ANGEL2: variants seen among roughly 807,000 people sequenced by gnomAD.
ANGEL2 encodes the protein RNA 2',3'-cyclic phosphatase ANGEL2.
Under a neutral mutation model 66.0 loss-of-function variants are expected in ANGEL2, and 41 were observed. The observed-to-expected ratio is 0.62, with a 90% CI of 0.48 to 0.81. The LOEUF is 0.81. Ranked by LOEUF, ANGEL2 falls within the 30% of genes least tolerant of loss-of-function variation. The pLI is 0.00. For synonymous variants in ANGEL2, 208 were observed against 226.5 expected (o/e 0.92, Z 0.73); for missense variants, 561 against 641.6 (o/e 0.87, Z 1.36).
intron 7 of ANGEL2, 30 bp from the exon 8 acceptor site, chr1:212,997,348 C>A: frequency 6.4e-7 from 1 of 1,571,248 alleles, no homozygotes; most frequent in Non-Finnish European, 8.7e-7. Flanking sequence ...TGTTTAGAAT[C>A]CGAGTTTTTG....
At chr1:213,011,167 A>T in intron 2 of ANGEL2, 1 of 1,286,270 alleles carries the variant, frequency 7.8e-7, no homozygotes, top group South Asian at 1.2e-5. Context: ...TGGCCTTCAT[A>T]TGCTTCACAA....
chr1:212,999,868 T>A (rs1007171280), intron 7 of ANGEL2, among the ~76,000 whole-genome samples: 8 of 152,230 alleles, frequency 5.3e-5, no homozygotes, highest in Non-Finnish European at 1.2e-4. Flanking sequence ...ATAGATGGTT[T>A]TGAGATTTAG....
rs1252278698 is a variant in ANGEL2 at position 213,015,722 on chromosome 1, C to T, written c.-51G>A. 33 of 1,612,966 alleles carry T rather than the reference C, an allele frequency of 2.0e-5. No homozygotes were observed. Among genetic ancestry groups the T allele is most frequent in the Admixed American group, 6.7e-5 (4 of 59,990 alleles). On this transcript the variant is annotated 5_prime_UTR_variant, in exon 1 of 9. Coordinates refer to ENST00000366962, the MANE Select transcript of ANGEL2 (RefSeq NM_144567.5). ...CCCAGGCCCCGGGTTCCACCTCAATCTCTATAATCGATGCGACGGCCTAAA... is the reference window on the plus strand; with the variant it reads ...CCCAGGCCCCGGGTTCCACCTCAATTTCTATAATCGATGCGACGGCCTAAA...
In ANGEL2 at chr1:213,004,200, C is replaced by CA. The variant is rs934613897; in HGVS notation, c.1134+832dup. On this transcript the variant is annotated intron_variant, in intron 5 of 8. Coordinates refer to ENST00000366962, the MANE Select transcript of ANGEL2 (RefSeq NM_144567.5). ...CTGGCGAAAGAGCAAGACTCCATCT[C>CA]AAAAAAAAAAATAAATAATTTTAAA... is the stretch of plus-strand genomic sequence containing the variant. Among the ~76,000 whole-genome samples the CA allele has an allele frequency of 5.9e-3, 837 of 142,880 alleles. 4 individuals are homozygous for CA. Among genetic ancestry groups the CA allele is most frequent in the African/African-American group, 0.017 (669 of 39,180 alleles). The allele number at this position is 142,880 out of a possible 152,430, so 93.7% of individuals were successfully genotyped here. A position where few individuals can be genotyped will look rare whatever the true frequency, so the allele number is the denominator to read the frequency against.
At chr1:212,998,941 G>C (rs1419677459) in intron 7 of ANGEL2, among the ~76,000 whole-genome samples, 1 of 151,736 alleles carries the variant, frequency 6.6e-6, no homozygotes, top group Non-Finnish European at 1.5e-5. Context: ...ATGCGGTGGT[G>C]CGATCTCGGC....
intron 8 of ANGEL2, among the ~76,000 whole-genome samples, chr1:212,996,212 C>T (rs1247271137): frequency 2.0e-5 from 3 of 151,948 alleles, no homozygotes; most frequent in Non-Finnish European, 4.4e-5. Flanking sequence ...GAGGCTGAGG[C>T]AGGAGAATGG....
rs899071801 is a variant in ANGEL2, at chr1:212,993,698, G to C, written c.*1343C>G. 3 of 152,116 alleles carry C rather than the reference G, an allele frequency of 2.0e-5. No homozygotes were observed. The highest frequency in any genetic ancestry group is 7.2e-5 in the African/African-American group (3 of 41,412). The allele number at this position is 152,116 out of a possible 1,614,324, so 9.4% of individuals were successfully genotyped here. A position where few individuals can be genotyped will look rare whatever the true frequency, so the allele number is the denominator to read the frequency against. On this transcript the variant is annotated 3_prime_UTR_variant, in exon 9 of 9. Coordinates refer to ENST00000366962, the MANE Select transcript of ANGEL2 (RefSeq NM_144567.5). ...TAAACCTGCTCATAACCACTTCATA[G>C]AAAGTGTCAGCACCATCTCATACTG...
intron 2 of ANGEL2, among the ~76,000 whole-genome samples, chr1:213,010,981 C>T (rs2076491694): frequency 6.6e-6 from 1 of 152,156 alleles, no homozygotes; most frequent in Admixed American, 6.5e-5. Flanking sequence ...TTCTGTGTTA[C>T]TTTTCATGCC....
chr1:213,005,336 A>T lies in ANGEL2; in HGVS notation c.831T>A (p.Asp277Glu). 6.2e-7 allele frequency: 1 copy of T among 1,614,278 alleles called. No individual in the cohort carries two copies. Among genetic ancestry groups the T allele is most frequent in the Non-Finnish European group, 8.5e-7 (1 of 1,180,046 alleles). ...SVNPVEFFRP[D>E]ISLLDRDNVG... The stretch of plus-strand genomic sequence containing the variant: ...CATTGTCTCTGTCCAACAGAGAAAT[A>T]TCAGGGCGGAAGAATTCCACTGGGT... Residue 277 changes from aspartate (D) to glutamate (E), a missense_variant, in exon 5 of 9, where the codon GAT (aspartate) becomes GAA (glutamate). By Grantham distance (45) the Asp-to-Glu change is conservative (BLOSUM62 2). Coordinates refer to ENST00000366962, the MANE Select transcript of ANGEL2 (RefSeq NM_144567.5).
chr1:213,000,919 A>G lies in ANGEL2; in HGVS notation c.1135-7T>C. 6.2e-7 allele frequency: 1 copy of G among 1,603,434 alleles called. No individual in the cohort carries two copies. The highest frequency in any genetic ancestry group is 1.3e-5 in the African/African-American group (1 of 74,414). ...ACTGTTCCTGGCCAGATACCTAAAC[A>G]AAATTTCAACAGGTATCTTAAGTGA... On this transcript the variant is annotated splice_region_variant and splice_polypyrimidine_tract_variant and intron_variant, in intron 5 of 8. Transcript: ENST00000366962.
At chr1:213,005,851 G>A (rs141112788) in intron 4 of ANGEL2, among the ~76,000 whole-genome samples, 1 of 152,034 alleles carries the variant, frequency 6.6e-6, no homozygotes, top group African/African-American at 2.4e-5. Flanking sequence ...TCCAACCTCA[G>A]GGCCTTTCCC....
At chr1:213,007,865 CTT>C (rs34608529) in intron 3 of ANGEL2, among the ~76,000 whole-genome samples, 78 of 138,034 alleles carry the variant, frequency 5.7e-4, no homozygotes, top group East Asian at 8.2e-4. Context: ...TTCTTTCTTT[CTT>C]TTTTTTTTTT....
chr1:212,992,880 A>G lies in ANGEL2; in HGVS notation c.*2161T>C, dbSNP rs944093277. 2.0e-5 allele frequency: 3 copies of G among 152,358 alleles called. No individual in the cohort carries two copies. The highest frequency in any genetic ancestry group is 2.1e-4 in the South Asian group (1 of 4,826). The allele number at this position is 152,358 out of a possible 1,614,324, so 9.4% of individuals were successfully genotyped here. ...GAATTTTCATTTTTCTTTCCCCAAT[A>G]TTAAAAAGGGATAATTATACTATCA... is the stretch of plus-strand genomic sequence containing the variant. On this transcript the variant is annotated 3_prime_UTR_variant, in exon 9 of 9. Coordinates refer to ENST00000366962, the MANE Select transcript of ANGEL2 (RefSeq NM_144567.5).
Position 212,995,538 on chromosome 1 carries a change from C to T in ANGEL2, c.1484-346G>A, listed in dbSNP as rs191553165. Among the ~76,000 whole-genome samples, 236 of 152,264 alleles carry T rather than the reference C, an allele frequency of 1.5e-3. 11 individuals carry two copies. Among genetic ancestry groups the T allele is most frequent in the Non-Finnish European group, 1.3e-3 (89 of 68,018 alleles). On this transcript the variant is annotated intron_variant, in intron 8 of 8. Transcript: ENST00000366962. The stretch of plus-strand genomic sequence containing the variant: ...TGTAGTTGCATAAAGCCAGAGACAC[C>T]GGGCCACAGCCCTGTAGCAGTTTAT...
chr1:213,015,249 G>A (rs928953590), intron 1 of ANGEL2: 2 of 1,083,236 alleles, frequency 1.8e-6, no homozygotes, highest in Admixed American at 5.2e-5. Flanking sequence ...CCTCCCCGCC[G>A]ACGCTCGGTT....
chr1:213,014,637 T>C (rs893622820), intron 1 of ANGEL2, among the ~76,000 whole-genome samples: 2 of 152,206 alleles, frequency 1.3e-5, no homozygotes, highest in Admixed American at 6.5e-5. Flanking sequence ...TATTCAGACT[T>C]TTTTTTCTCT....
At chr1:213,012,266 A>G (rs1013307079) in intron 2 of ANGEL2, among the ~76,000 whole-genome samples, 1 of 129,378 alleles carries the variant, frequency 7.7e-6, no homozygotes, top group African/African-American at 2.9e-5. Context: ...CTCCCTAAAC[A>G]TTAACACCCA....
chr1:212,996,884 C>T (rs2148132867), intron 8 of ANGEL2, among the ~76,000 whole-genome samples: 1 of 151,988 alleles, frequency 6.6e-6, no homozygotes, highest in South Asian at 2.1e-4. Context: ...ATATGAAAGA[C>T]CTATAACTCA....
chr1:213,013,183 T>G lies in ANGEL2; in HGVS notation c.295A>C (p.Asn99His), dbSNP rs777853892. Residue 99 changes from asparagine to histidine, a missense_variant, in exon 2 of 9, where the codon AAC becomes CAC. Physicochemically the swap from Asn to His is moderately conservative, Grantham distance 68. Coordinates refer to ENST00000366962, the MANE Select transcript of ANGEL2 (RefSeq NM_144567.5). ...QFQYCNWRPD[N>H]LSQTSLIHLS... The stretch of plus-strand genomic sequence containing the variant: ...TGAATCAAAGATGTCTGGCTCAGGT[T>G]GTCAGGTCTCCAGTTACAGTACTGG... 4 of 1,614,066 alleles carry G rather than the reference T, an allele frequency of 2.5e-6. No homozygotes were observed. Among genetic ancestry groups the G allele is most frequent in the Non-Finnish European group, 3.4e-6 (4 of 1,180,022 alleles).
Sources: allele counts gnomAD v4.1 joint callset (sites outside exome capture counted in the v4.1 genomes callset), GRCh38; gene constraint gnomAD v4.1.1; transcripts MANE v1.5; gene names NCBI Gene and HGNC (gene_info 2026-07-23, HGNC 2026-07-21).